Variants in BCAS3 observed in about 807,000 individuals in gnomAD.
The protein encoded by BCAS3 is BCAS4/BCAS3 fusion.
In BCAS3, 53 loss-of-function variants were observed where a neutral mutation model predicts 116.1. That is an observed-to-expected ratio of 0.46 (90% CI 0.37 to 0.57). The LOEUF (loss-of-function observed/expected upper bound fraction) is 0.57, where lower values mean the gene tolerates loss of function less well. Ranked by LOEUF, BCAS3 falls within the 20% of genes least tolerant of loss-of-function variation. The pLI, the probability that BCAS3 is intolerant of heterozygous loss-of-function variation, is 0.00. For synonymous variants in BCAS3, 391 were observed against 408.2 expected (o/e 0.96, Z 0.51); for missense variants, 917 against 1,165.4 (o/e 0.79, Z 3.10).
At chr17:61,201,798 G>A (rs536943050) in intron 22 of BCAS3, among the ~76,000 whole-genome samples, 32 of 145,104 alleles carry the variant, frequency 2.2e-4, no homozygotes, top group Middle Eastern at 3.9e-3. Flanking sequence ...TCGCTCTGTC[G>A]CCCAGGCTGC....
At chr17:60,954,641 A>G (rs909417381) in intron 14 of BCAS3, among the ~76,000 whole-genome samples, 1 of 152,208 alleles carries the variant, frequency 6.6e-6, no homozygotes, top group Non-Finnish European at 1.5e-5. Flanking sequence ...CTTTTCTTCT[A>G]ATGTTCCCAT....
chr17:61,195,300 T>G (rs1168516224), intron 22 of BCAS3, among the ~76,000 whole-genome samples: 29 of 152,212 alleles, frequency 1.9e-4, no homozygotes, highest in Non-Finnish European at 1.5e-5. Flanking sequence ...TCATCCTTAA[T>G]GGGATATTTA....
chr17:61,382,347 G>A (rs867565395), intron 23 of BCAS3, among the ~76,000 whole-genome samples: 5 of 150,788 alleles, frequency 3.3e-5, no homozygotes, highest in East Asian at 2.0e-4. Context: ...TGCAATGTCC[G>A]CCTCCCAGGT....
At position 61,333,486 on chromosome 17, in the gene BCAS3, GC is replaced by G. The variant is rs149718012; in HGVS notation, c.2426-34836del. 0.011 allele frequency among the ~76,000 whole-genome samples: 1,729 copies of G among 152,172 alleles called. 29 individuals are homozygous for G. Among genetic ancestry groups the G allele is most frequent in the East Asian group, 0.053 (272 of 5,176 alleles). ...CCCTCCTGTCCACTCACATTGTGGC[GC>G]CCCCGACCCTTGCCAATCCCGTGCA... is the stretch of plus-strand genomic sequence containing the variant. On this transcript the variant is annotated intron_variant, in intron 22 of 23. Coordinates refer to ENST00000407086, the MANE Select transcript of BCAS3 (RefSeq NM_017679.5). The surrounding 1 kb of genome is among the most constrained non-coding windows in gnomAD (Gnocchi z 4.8).
chr17:60,907,107 C>G (rs1216455479), intron 11 of BCAS3, among the ~76,000 whole-genome samples: 1 of 152,024 alleles, frequency 6.6e-6, no homozygotes, highest in Non-Finnish European at 1.5e-5. Flanking sequence ...AGGAAATAAT[C>G]TTTTTTACAT....
At chr17:61,330,322 A>G (rs1263166490) in intron 22 of BCAS3, among the ~76,000 whole-genome samples, 1 of 139,430 alleles carries the variant, frequency 7.2e-6, no homozygotes, top group African/African-American at 2.6e-5. Flanking sequence ...ACAGTGGCGC[A>G]ATCACGGCTC....
chr17:60,726,270 G>A (rs112750499), intron 5 of BCAS3, among the ~76,000 whole-genome samples: 6,253 of 135,142 alleles, frequency 0.046, 479 homozygotes, highest in African/African-American at 0.16. Context: ...GCACGATCTC[G>A]GCTCACTGCA....
intron 7 of BCAS3, among the ~76,000 whole-genome samples, chr17:60,834,659 A>G (rs1039946460): frequency 2.0e-5 from 3 of 151,998 alleles, no homozygotes; most frequent in Non-Finnish European, 2.9e-5. Context: ...AGATGGTATA[A>G]TTAACATCTT....
At chr17:61,297,766 T>C (rs2053061055) in intron 22 of BCAS3, among the ~76,000 whole-genome samples, 1 of 152,218 alleles carries the variant, frequency 6.6e-6, no homozygotes, top group South Asian at 2.1e-4. Context: ...TCGTGTTCAC[T>C]GTGAGAATAA....
At position 61,220,470 on chromosome 17, in the gene BCAS3, A is replaced by G. The variant is rs2082048680; in HGVS notation, c.2425+135906A>G. Among the ~76,000 whole-genome samples, 1 of 152,216 alleles carries G rather than the reference A, an allele frequency of 6.6e-6. No homozygotes were observed. On this transcript the variant is annotated intron_variant, in intron 22 of 23. Coordinates refer to ENST00000407086, the MANE Select transcript of BCAS3 (RefSeq NM_017679.5). This position sits in a 1 kb window ranked among gnomAD's most constrained non-coding sequence, Gnocchi z 4.5. ...AACTTGGTTCCATTATTTGATCTTC[A>G]GATTCAACAAAGTAGCCGAATTCTC...
At chr17:61,335,984 C>G (rs539505040) in intron 22 of BCAS3, among the ~76,000 whole-genome samples, 1 of 152,376 alleles carries the variant, frequency 6.6e-6, no homozygotes, top group South Asian at 2.1e-4. Flanking sequence ...GCCAGCCCCC[C>G]ACCTCGGGGA....
At chr17:61,384,924 A>C (rs2059773239) in intron 23 of BCAS3, among the ~76,000 whole-genome samples, 1 of 152,110 alleles carries the variant, frequency 6.6e-6, no homozygotes, top group East Asian at 1.9e-4. Flanking sequence ...GGGAAGAGGG[A>C]AAGCGCAGGG....
Position 61,323,546 on chromosome 17 carries a change from T to C in BCAS3, c.2426-44781T>C, listed in dbSNP as rs1044737925. Among the ~76,000 whole-genome samples, 1 of 152,204 alleles carries C rather than the reference T, an allele frequency of 6.6e-6. No homozygotes were observed. Among genetic ancestry groups the C allele is most frequent in the Admixed American group, 6.5e-5 (1 of 15,282 alleles). ...TGATATGGAAGAGAAAAGTTGTTGA[T>C]AATGTAAAAATGCTTTGAGAAATAT... On this transcript the variant is annotated intron_variant, in intron 22 of 23. Transcript: ENST00000407086. This position sits in a 1 kb window ranked among gnomAD's most constrained non-coding sequence, Gnocchi z 4.6.
chr17:60,934,086 T>C lies in BCAS3; in HGVS notation c.1087+9586T>C, dbSNP rs547206920. Among the ~76,000 whole-genome samples, 4 of 151,422 alleles carry C rather than the reference T, an allele frequency of 2.6e-5. No individual in the cohort carries two copies. In the East Asian group the frequency reaches 7.8e-4, roughly 29 times the overall value. On this transcript the variant is annotated intron_variant, in intron 13 of 23. Transcript: ENST00000407086. Reference sequence around the variant, plus strand: ...GACCACAATACTTTTAGAACCTCGCTATAATTTTCTGATTTCTTTAAAAGC... The same window carrying C: ...GACCACAATACTTTTAGAACCTCGCCATAATTTTCTGATTTCTTTAAAAGC...
At chr17:61,264,006 T>A (rs997948326) in intron 22 of BCAS3, among the ~76,000 whole-genome samples, 2 of 152,024 alleles carry the variant, frequency 1.3e-5, no homozygotes, top group Non-Finnish European at 2.9e-5. Flanking sequence ...GACATAATCC[T>A]ATCAGCGGGT....
In BCAS3 at chr17:61,235,394, C is replaced by T. The variant is rs186945473; in HGVS notation, c.2426-132933C>T. On this transcript the variant is annotated intron_variant, in intron 22 of 23. Transcript: ENST00000407086. The surrounding 1 kb of genome is among the most constrained non-coding windows in gnomAD (Gnocchi z 5.0). ...TGAAAATGTACAGTTTTGAGAATTT[C>T]GATATTTGACAGATGATTGAGCCAC... is the stretch of plus-strand genomic sequence containing the variant. Among the ~76,000 whole-genome samples, 108 of 152,184 alleles carry T rather than the reference C, an allele frequency of 7.1e-4. No homozygotes were observed. Among genetic ancestry groups the T allele is most frequent in the Non-Finnish European group, 1.1e-3 (72 of 68,020 alleles).
rs1476701481 is a variant in BCAS3 at position 61,246,626 on chromosome 17, T to A, written c.2426-121701T>A. 2.0e-5 allele frequency among the ~76,000 whole-genome samples: 3 copies of A among 152,144 alleles called. No individual in the cohort carries two copies. The East Asian group carries it at 5.8e-4, about 29-fold the overall frequency. ...CACCTGACACGGCATCACTGGAGCC[T>A]GTGTACTGGAATTAGACCAGTTGCT... On this transcript the variant is annotated intron_variant, in intron 22 of 23. Transcript: ENST00000407086.
intron 15 of BCAS3, among the ~76,000 whole-genome samples, chr17:61,003,594 G>A (rs1406358427): frequency 6.6e-6 from 1 of 151,666 alleles, no homozygotes; most frequent in Non-Finnish European, 1.5e-5. Flanking sequence ...AAGCCCATCT[G>A]GAGCAGTGAT....
At chr17:60,760,497 GTT>G (rs59832943) in intron 6 of BCAS3, among the ~76,000 whole-genome samples, 2 of 127,486 alleles carry the variant, frequency 1.6e-5, no homozygotes, top group African/African-American at 3.5e-5. Context: ...AGGTTTTTTT[GTT>G]TTTTTTTTTT....
Sources: gnomAD v4.1 joint callset for allele counts (sites outside exome capture counted in the v4.1 genomes callset) on GRCh38, gnomAD v4.1.1 for gene constraint, Gnocchi (gnomAD v3.1) non-coding constraint, MANE v1.5 for transcripts, NCBI Gene and HGNC (gene_info 2026-07-23, HGNC 2026-07-21) for gene names.